Variants in GOLGA8M observed in about 807,000 individuals in gnomAD.
GOLGA8M encodes golgin A8 family member M.
Under a neutral mutation model 87.7 loss-of-function variants are expected in GOLGA8M, and 34 were observed. That is an observed-to-expected ratio of 0.39 (90% confidence interval 0.29 to 0.52). The LOEUF is 0.52. Among genes scored for constraint, GOLGA8M ranks in the 20% least tolerant of loss-of-function variants. The pLI, the probability that GOLGA8M is intolerant of heterozygous loss-of-function variation, is 0.80. For synonymous variants in GOLGA8M, 138 were observed against 250.2 expected, an observed-to-expected ratio of 0.55 and a Z score of 4.23; for missense variants, 396 against 682.2, an observed-to-expected ratio of 0.58 and a Z score of 4.67.
chr15:28,701,409 T>C lies in GOLGA8M; in HGVS notation c.*545A>G, dbSNP rs2140901231. Reference sequence around the variant, plus strand: ...AAGGCTGTTTCCAGTTCTTGGCCTTTAAACAACTCTAAATGTCAGTACTCA... The same window carrying C: ...AAGGCTGTTTCCAGTTCTTGGCCTTCAAACAACTCTAAATGTCAGTACTCA... On this transcript the variant is annotated 3_prime_UTR_variant, in exon 19 of 19. Coordinates refer to ENST00000563027, the MANE Select transcript of GOLGA8M (RefSeq NM_001282468.3). 6.6e-6 allele frequency among the ~76,000 whole-genome samples: 1 copy of C among 151,882 alleles called. No individual in the cohort carries two copies. The highest frequency in any genetic ancestry group is 2.4e-5 in the African/African-American group (1 of 41,328).
Position 28,707,828 on chromosome 15 carries a change from G to A in GOLGA8M, c.511C>T (p.Gln171Ter), listed in dbSNP as rs747859105. The change falls in exon 8 of 19, where the codon CAA becomes TAA. Residue 171 changes from glutamine (Q) to a stop codon, truncating the protein, a stop_gained. Coordinates refer to ENST00000563027, the MANE Select transcript of GOLGA8M (RefSeq NM_001282468.3). LOFTEE classifies it high-confidence loss of function. ...TCTCCTTTACGCTGCAATGAATGTT[G>A]CAGGCGGACAGCCAGATCCTTGGAC... ...EKSKDLAVRL[Q>*]HSLQRKGELE... The A allele has an allele frequency of 8.8e-6, 14 of 1,585,322 alleles. No individual in the cohort carries two copies. Among genetic ancestry groups the A allele is most frequent in the Non-Finnish European group, 1.2e-5 (14 of 1,177,902 alleles).
In GOLGA8M at chr15:28,702,279, G is replaced by A. The variant is rs531763484; in HGVS notation, c.1658C>T (p.Ser553Phe). The A allele has an allele frequency of 0.043, 65,456 of 1,516,014 alleles. 10,956 individuals are homozygous for A. In the East Asian group the frequency reaches 0.59, roughly 14 times the overall value. 93.9% of individuals were successfully genotyped at this position (1,516,014 alleles called of 1,614,324 possible). A position where few individuals can be genotyped will look rare whatever the true frequency, so the allele number is the denominator to read the frequency against. ...HRKFLAAAHNSADEPGPGAPA... is the reference protein window; with the variant it reads ...HRKFLAAAHNFADEPGPGAPA... The stretch of plus-strand genomic sequence containing the variant: ...GGCTCCTGGACCGGGCTCATCAGCA[G>A]AGTTGTGGGCAGCGGCCAGGAATTT... The change falls in exon 18 of 19, where the codon TCT becomes TTT. Residue 553 changes from serine to phenylalanine, a missense_variant. Transcript: ENST00000563027.
At chr15:28,712,661 T>C (rs546881202), upstream of GOLGA8M, among the ~76,000 whole-genome samples, 7 of 152,108 alleles carry the variant, frequency 4.6e-5, no homozygotes, top group South Asian at 2.1e-4. Context: ...CAGCTTTTGC[T>C]TTAACAGCTT....
chr15:28,708,326 G>C (rs1567307813), intron 5 of GOLGA8M, 49 bp downstream of exon 5: 2 of 1,609,516 alleles, frequency 1.2e-6, no homozygotes, highest in Middle Eastern at 1.7e-4. Flanking sequence ...AATCTGAAGG[G>C]TGAGCCTTCT....
chr15:28,704,813 C>T (rs917545799), intron 13 of GOLGA8M, among the ~76,000 whole-genome samples: 47 of 146,008 alleles, frequency 3.2e-4, no homozygotes, highest in Middle Eastern at 3.4e-3. Flanking sequence ...TCTCAAACTC[C>T]CGACCTCAAG....
chr15:28,707,746 A>T lies in GOLGA8M; in HGVS notation c.591+2T>A, dbSNP rs568840909. 4,548 of 1,545,416 alleles carry T rather than the reference A, an allele frequency of 2.9e-3. 128 individuals carry two copies. The African/African-American group carries it at 0.056, about 19-fold the overall frequency. ...GGGGATGGGGCAGGTGGTTGGACTC[A>T]CCTGGTTTGCCTTCTTCTTCTGTGT... On this transcript the variant is annotated splice_donor_variant, in intron 8 of 18. Transcript: ENST00000563027. LOFTEE classifies it high-confidence loss of function.
chr15:28,703,898 C>T lies in GOLGA8M; in HGVS notation c.1220G>A (p.Ser407Asn). Residue 407 changes from serine to asparagine, a missense_variant, in exon 14 of 19, where the codon AGC becomes AAC. Ser to Asn is a conservative substitution (Grantham distance 46). Coordinates refer to ENST00000563027, the MANE Select transcript of GOLGA8M (RefSeq NM_001282468.3). ...KLGEEHLEAA[S>N]QQNQQLTAQL... ...GGCCGTTAGCTGCTGGTTCTGCTGG[C>T]TGGCAGCTTCCAGGTGCTCCTAAGG... The T allele has an allele frequency of 2.5e-6, 4 of 1,579,614 alleles. No individual in the cohort carries two copies. Among genetic ancestry groups the T allele is most frequent in the African/African-American group, 1.4e-5 (1 of 72,332 alleles).
chr15:28,702,287 G>A lies in GOLGA8M; in HGVS notation c.1650C>T (p.Ala550=). ...GACCGGGCTCATCAGCAGAGTTGTG[G>A]GCAGCGGCCAGGAATTTTCTGTGCC... ...NNGHRKFLAA[A]HNSADEPGPG... Residue 550 remains alanine (A), a synonymous_variant, in exon 18 of 19, where the codon GCC becomes GCT. Coordinates refer to ENST00000563027, the MANE Select transcript of GOLGA8M (RefSeq NM_001282468.3). 2 of 1,546,326 alleles carry A rather than the reference G, an allele frequency of 1.3e-6. No individual in the cohort carries two copies. The highest frequency in any genetic ancestry group is 8.6e-7 in the Non-Finnish European group (1 of 1,156,272).
Position 28,702,147 on chromosome 15 carries a change from C to T in GOLGA8M, c.1724-18G>A, listed in dbSNP as rs757535350. The stretch of plus-strand genomic sequence containing the variant: ...ACAAAGATCTTTGGAGAGAGGGAGG[C>T]AGGGATCTGAGCACAGTGGGAGCCC... On this transcript the variant is annotated intron_variant, in intron 18 of 18. Transcript: ENST00000563027. 1.8e-5 allele frequency: 28 copies of T among 1,577,820 alleles called. No individual in the cohort carries two copies. In the South Asian group the frequency reaches 2.9e-4, roughly 16 times the overall value.
Position 28,702,570 on chromosome 15 carries a change from A to G in GOLGA8M, c.1470-8T>C, listed in dbSNP as rs763673888. On this transcript the variant is annotated splice_polypyrimidine_tract_variant and splice_region_variant and intron_variant, in intron 16 of 18. Transcript: ENST00000563027. Reference sequence around the variant, plus strand: ...AAAAGGTGATGGATTTTCCTGCGGGAGGACGGGGCTCAGACGCTGGGGCCC... The same window carrying G: ...AAAAGGTGATGGATTTTCCTGCGGGGGGACGGGGCTCAGACGCTGGGGCCC... The G allele has an allele frequency of 2.5e-6, 4 of 1,608,092 alleles. No individual in the cohort carries two copies. The African/African-American group carries it at 5.4e-5, about 22-fold the overall frequency.
chr15:28,708,001 G>T lies in GOLGA8M; in HGVS notation c.433C>A (p.Leu145Ile). 2 of 1,595,270 alleles carry T rather than the reference G, an allele frequency of 1.3e-6. No individual in the cohort carries two copies. The highest frequency in any genetic ancestry group is 1.1e-5 in the South Asian group (1 of 90,482). Residue 145 changes from leucine to isoleucine, a missense_variant, in exon 7 of 19, where the codon CTA (leucine) becomes ATA (isoleucine). This residue lies in a region of GOLGA8M where 80 missense variants were observed against 119.9 expected (regional missense o/e 0.67). Transcript: ENST00000563027. The part of the protein sequence containing the change: ...LQTLNIQKEE[L>I]NTDLYHMKRS... Reference sequence around the variant, plus strand: ...TTCATGTGGTACAGGTCCGTATTTAGTTCCTCTTTCTGTATGTTCAATGTC... The same window carrying T: ...TTCATGTGGTACAGGTCCGTATTTATTTCCTCTTTCTGTATGTTCAATGTC...
Position 28,702,143 on chromosome 15 carries a change from G to A in GOLGA8M, c.1724-14C>T. 4 of 1,578,618 alleles carry A rather than the reference G, an allele frequency of 2.5e-6. No homozygotes were observed. The highest frequency in any genetic ancestry group is 3.4e-6 in the Non-Finnish European group (4 of 1,171,320). On this transcript the variant is annotated splice_polypyrimidine_tract_variant and intron_variant, in intron 18 of 18. Transcript: ENST00000563027. Reference sequence around the variant, plus strand: ...CCTCACAAAGATCTTTGGAGAGAGGGAGGCAGGGATCTGAGCACAGTGGGA... The same window carrying A: ...CCTCACAAAGATCTTTGGAGAGAGGAAGGCAGGGATCTGAGCACAGTGGGA...
rs566669689 is a variant in GOLGA8M at position 28,707,666 on chromosome 15, A to C, written c.591+82T>G. ...TGCTGCCTTCTGGGCAGGACACGCC[A>C]TCCTGCAGAAGGGACCTTTAGGCTC... On this transcript the variant is annotated intron_variant, in intron 8 of 18. Coordinates refer to ENST00000563027, the MANE Select transcript of GOLGA8M (RefSeq NM_001282468.3). 111 of 1,313,102 alleles carry C rather than the reference A, an allele frequency of 8.5e-5. 2 individuals are homozygous for C. In the South Asian group the frequency reaches 1.4e-3, roughly 16 times the overall value. The allele number at this position is 1,313,102 out of a possible 1,614,324, so 81.3% of individuals were successfully genotyped here. A position where few individuals can be genotyped will look rare whatever the true frequency, so the allele number is the denominator to read the frequency against.
intron 4 of GOLGA8M, among the ~76,000 whole-genome samples, chr15:28,708,754 T>G (rs2080115933): frequency 6.6e-6 from 1 of 152,088 alleles, no homozygotes; most frequent in African/African-American, 2.4e-5. Context: ...TGAGCATGTA[T>G]GGACCAGGTA....
In GOLGA8M at chr15:28,701,586, A is replaced by G. The variant is rs2079786242; in HGVS notation, c.*368T>C. On this transcript the variant is annotated 3_prime_UTR_variant, in exon 19 of 19. Coordinates refer to ENST00000563027, the MANE Select transcript of GOLGA8M (RefSeq NM_001282468.3). ...ATTCTGTAGTGAATATACATGCTGC[A>G]ATAACATTAAAAAAGCATGGCAGCC... 6.6e-6 allele frequency among the ~76,000 whole-genome samples: 1 copy of G among 151,550 alleles called. No individual in the cohort carries two copies. The highest frequency in any genetic ancestry group is 1.5e-5 in the Non-Finnish European group (1 of 67,952).
rs781686591 is a variant in GOLGA8M, at chr15:28,702,214, C to G, written c.1723G>C (p.Asp575His). Reference sequence around the variant, plus strand: ...CACACCACCTGAGGGCTGTACTCACCACCATGCTTGTCTGCAGCCCCAAGC... The same window carrying G: ...CACACCACCTGAGGGCTGTACTCACGACCATGCTTGTCTGCAGCCCCAAGC... ...QELGAADKHG[D>H]LCEVSLTSSA... is the part of the protein sequence containing the mutation. Residue 575 changes from aspartate to histidine, a missense_variant and splice_region_variant, in exon 18 of 19, where the codon GAT becomes CAT. Around this residue, in one of 12 missense-constraint regions of GOLGA8M, gnomAD observed 173 missense variants for 150.2 expected, o/e 1.15. Coordinates refer to ENST00000563027, the MANE Select transcript of GOLGA8M (RefSeq NM_001282468.3). The G allele has an allele frequency of 2.2e-3, 3,538 of 1,589,172 alleles. 60 individuals carry two copies. The highest frequency in any genetic ancestry group is 3.1e-3 in the Admixed American group (179 of 58,092).
Position 28,706,453 on chromosome 15 carries a change from A to T in GOLGA8M, c.732T>A (p.His244Gln). Residue 244 changes from histidine (H) to glutamine (Q), a missense_variant, in exon 10 of 19, where the codon CAT becomes CAA. His to Gln is a conservative substitution (Grantham distance 24). Transcript: ENST00000563027. ...VQLERDEYSEHLKGERARWQQ... is the reference protein window; with the variant it reads ...VQLERDEYSEQLKGERARWQQ... Reference sequence around the variant, plus strand: ...GCCACCGGGCCCTCTCTCCTTTTAGATGTTCAGAATACTCATCTCTTTCTA... The same window carrying T: ...GCCACCGGGCCCTCTCTCCTTTTAGTTGTTCAGAATACTCATCTCTTTCTA... The T allele has an allele frequency of 8.5e-7, 1 of 1,182,724 alleles. No homozygotes were observed. Among genetic ancestry groups the T allele is most frequent in the East Asian group, 2.5e-5 (1 of 39,898 alleles). The allele number at this position is 1,182,724 out of a possible 1,614,324, so 73.3% of individuals were successfully genotyped here. A position where few individuals can be genotyped will look rare whatever the true frequency, so the allele number is the denominator to read the frequency against.
At chr15:28,708,737 C>T (rs2080115308) in intron 4 of GOLGA8M, among the ~76,000 whole-genome samples, 1 of 152,118 alleles carries the variant, frequency 6.6e-6, no homozygotes, top group African/African-American at 2.4e-5. Flanking sequence ...ATTCAATAAA[C>T]ATTTACTGAG....
At chr15:28,704,728 C>T (rs1373679119) in intron 13 of GOLGA8M, among the ~76,000 whole-genome samples, 1 of 143,130 alleles carries the variant, frequency 7.0e-6, no homozygotes, top group Non-Finnish European at 1.5e-5. Context: ...CAGGCATGCA[C>T]CACAATGTCC....
Sources: gnomAD v4.1 joint callset for allele counts (sites outside exome capture counted in the v4.1 genomes callset) on GRCh38, gnomAD v4.1.1 for gene constraint, gnomAD v4.1.1 regional missense constraint, MANE v1.5 for transcripts, NCBI Gene and HGNC (gene_info 2026-07-23, HGNC 2026-07-21) for gene names.